The following IGSF22 variants were observed in gnomAD, a reference collection of about 807,000 sequenced individuals.
IGSF22 encodes the protein immunoglobulin superfamily member 22.
A neutral mutation model predicts 127.0 loss-of-function variants in IGSF22; 119 were observed. The observed-to-expected ratio is 0.94, with a 90% confidence interval of 0.81 to 1.09. The LOEUF (loss-of-function observed/expected upper bound fraction) is 1.09. IGSF22 is among the 50% of genes least tolerant of loss of function. IGSF22 has a pLI of 0.00. For synonymous variants in IGSF22, 568 were observed against 664.7 expected (o/e 0.85, Z 2.24); for missense variants, 1,518 against 1,716.6 (o/e 0.88, Z 2.04).
intron 22 of IGSF22, 67 bp downstream of exon 22, chr11:18,705,750 A>G: frequency 7.2e-7 from 1 of 1,381,350 alleles, no homozygotes; most frequent in East Asian, 2.5e-5. Flanking sequence ...TAGTTGACCA[A>G]TGGCCCACAA....
At chr11:18,704,757 T>C (rs114137280) in intron 22 of IGSF22, 174 of 527,808 alleles carry the variant, frequency 3.3e-4, no homozygotes, top group African/African-American at 3.1e-3. Context: ...TTAAGCCTCA[T>C]AGTCCTATAA....
At chr11:18,711,424 GTC>G (rs1848354335) in intron 15 of IGSF22, among the ~76,000 whole-genome samples, 1 of 152,156 alleles carries the variant, frequency 6.6e-6, no homozygotes, top group South Asian at 2.1e-4. Flanking sequence ...TTGAGACGAA[GTC>G]TCACTCTATT....
intron 14 of IGSF22, among the ~76,000 whole-genome samples, chr11:18,712,685 GAACACC>G: frequency 6.6e-6 from 1 of 152,176 alleles, no homozygotes; most frequent in Non-Finnish European, 1.5e-5. Flanking sequence ...TGAGCTTTGA[GAACACC>G]AGTACTTGCT....
chr11:18,714,250 C>A (rs1316070383), intron 13 of IGSF22, 27 bp downstream of exon 13: 1 of 1,602,340 alleles, frequency 6.2e-7, no homozygotes, highest in South Asian at 1.1e-5. Flanking sequence ...CATGGTTGAG[C>A]TTTGCCTACC....
chr11:18,725,885 C>T (rs533673902), intron 1 of IGSF22, among the ~76,000 whole-genome samples, 189 bp downstream of exon 1: 1 of 152,336 alleles, frequency 6.6e-6, no homozygotes, highest in African/African-American at 2.4e-5. Flanking sequence ...CCTTCTTTAA[C>T]CCAGGTAGTT....
At chr11:18,722,641 A>G (rs1848594607) in intron 2 of IGSF22, among the ~76,000 whole-genome samples, 1 of 152,030 alleles carries the variant, frequency 6.6e-6, no homozygotes, top group African/African-American at 2.4e-5. Flanking sequence ...CTGTTTTTGC[A>G]GTATAAAACT....
chr11:18,707,320 A>C lies in IGSF22; in HGVS notation c.3281-107T>G, dbSNP rs1331480806. 5.2e-5 allele frequency: 53 copies of C among 1,029,008 alleles called. No individual in the cohort carries two copies. The Admixed American group carries it at 7.2e-4, about 14-fold the overall frequency. The allele number at this position is 1,029,008 out of a possible 1,614,324, so 63.7% of individuals were successfully genotyped here. A position where few individuals can be genotyped will look rare whatever the true frequency, so the allele number is the denominator to read the frequency against. On this transcript the variant is annotated intron_variant, in intron 20 of 22. Transcript: ENST00000513874. ...TGGAAGATAAGATGGGGCAAGTCTCAGGCAGCTGGTGTCTTGGAGTCGGAA... is the reference window on the plus strand; with the variant it reads ...TGGAAGATAAGATGGGGCAAGTCTCCGGCAGCTGGTGTCTTGGAGTCGGAA...
chr11:18,717,539 G>A (rs1288766409), intron 9 of IGSF22, among the ~76,000 whole-genome samples: 1 of 152,076 alleles, frequency 6.6e-6, no homozygotes, highest in Non-Finnish European at 1.5e-5. Flanking sequence ...AGGACTACAG[G>A]TGTGTGCCAC....
intron 15 of IGSF22, among the ~76,000 whole-genome samples, chr11:18,711,421 G>A (rs185769706): frequency 2.6e-5 from 4 of 152,138 alleles, no homozygotes; most frequent in East Asian, 3.9e-4. Context: ...TTTTTGAGAC[G>A]AAGTCTCACT....
intron 15 of IGSF22, among the ~76,000 whole-genome samples, chr11:18,711,730 G>A (rs1055381670): frequency 2.0e-5 from 3 of 152,156 alleles, no homozygotes; most frequent in East Asian, 3.9e-4. Flanking sequence ...ATGTTGTCAA[G>A]GATTTTCTGT....
At position 18,709,457 on chromosome 11, in the gene IGSF22, C is replaced by G. The variant is rs72880717; in HGVS notation, c.2928G>C (p.Arg976=). 0.19 allele frequency: 305,886 copies of G among 1,613,920 alleles called. 30,674 individuals carry two copies. Among genetic ancestry groups the G allele is most frequent in the Middle Eastern group, 0.3 (1,788 of 6,060 alleles). Residue 976 remains arginine (R), a synonymous_variant, in exon 18 of 23, where the codon CGG becomes CGC. Transcript: ENST00000513874. This position sits in a 1 kb window ranked among gnomAD's most constrained non-coding sequence, Gnocchi z 4.8. ...IERQKYFFRI[R]AVNEAGVGEP... is the part of the protein sequence containing the mutation. ...CCCCAACCCCAGCCTCATTCACAGCCCGGATTCGGAAGAAGTATTTCTGCC... is the reference window on the plus strand; with the variant it reads ...CCCCAACCCCAGCCTCATTCACAGCGCGGATTCGGAAGAAGTATTTCTGCC...
Position 18,709,379 on chromosome 11 carries a change from G to A in IGSF22, c.2998+8C>T. ...GGCATGAATCCCCAGCCCTCTCTGTGTCCTCACCTGGTGGTGGCATGGCAC... is the reference window on the plus strand; with the variant it reads ...GGCATGAATCCCCAGCCCTCTCTGTATCCTCACCTGGTGGTGGCATGGCAC... On this transcript the variant is annotated splice_region_variant and intron_variant, in intron 18 of 22. Transcript: ENST00000513874. This position sits in a 1 kb window ranked among gnomAD's most constrained non-coding sequence, Gnocchi z 4.8. 6.2e-7 allele frequency: 1 copy of A among 1,612,580 alleles called. No homozygotes were observed. The highest frequency in any genetic ancestry group is 8.5e-7 in the Non-Finnish European group (1 of 1,179,300).
chr11:18,721,425 G>A (rs1049064848), intron 4 of IGSF22, 110 bp downstream of exon 4: 5 of 1,442,818 alleles, frequency 3.5e-6, no homozygotes, highest in African/African-American at 2.8e-5. Context: ...CCCACTGCCC[G>A]GCTCTCGGGC....
At chr11:18,723,096 C>T (rs1431771731) in intron 2 of IGSF22, among the ~76,000 whole-genome samples, 2 of 152,246 alleles carry the variant, frequency 1.3e-5, no homozygotes, top group African/African-American at 2.4e-5. Flanking sequence ...TATACAGTCT[C>T]TAGTTTACCC....
chr11:18,707,089 C>A lies in IGSF22; in HGVS notation c.3405G>T (p.Arg1135=). Reference sequence around the variant, plus strand: ...TGTACCAGGTGGCTGTGCTTGCATCCCGCTTCATGATGATGTAGTGAGCCT... The same window carrying A: ...TGTACCAGGTGGCTGTGCTTGCATCACGCTTCATGATGATGTAGTGAGCCT... ...DGEAHYIIMK[R]DASTATWYTA... The change falls in exon 21 of 23, where the codon CGG becomes CGT. Residue 1135 remains arginine (R), a synonymous_variant. Coordinates refer to ENST00000513874, the MANE Select transcript of IGSF22 (RefSeq NM_173588.4). The A allele has an allele frequency of 6.4e-7, 1 of 1,551,706 alleles. No individual in the cohort carries two copies. The highest frequency in any genetic ancestry group is 8.7e-7 in the Non-Finnish European group (1 of 1,146,992).
At chr11:18,718,144 T>G in intron 8 of IGSF22, 51 bp from the exon 9 acceptor site, 1 of 1,575,940 alleles carries the variant, frequency 6.3e-7, no homozygotes, top group Non-Finnish European at 8.7e-7. Flanking sequence ...AGGAGGAAGC[T>G]TCCAGAGGTC....
chr11:18,706,500 C>A (rs1041450712), intron 21 of IGSF22: 21 of 395,978 alleles, frequency 5.3e-5, no homozygotes, highest in Non-Finnish European at 8.7e-5. Flanking sequence ...ACCACAGTCT[C>A]CCCTCTTATC....
intron 2 of IGSF22, among the ~76,000 whole-genome samples, chr11:18,722,864 A>C (rs1320667440): frequency 6.6e-6 from 1 of 152,222 alleles, no homozygotes; most frequent in African/African-American, 2.4e-5. Context: ...CCTGCTTTTA[A>C]ATACTAACAA....
rs749562646 is a variant in IGSF22, at chr11:18,721,943, C to A, written c.208G>T (p.Val70Leu). The A allele has an allele frequency of 3.7e-6, 6 of 1,613,688 alleles. No individual in the cohort carries two copies. Among genetic ancestry groups the A allele is most frequent in the African/African-American group, 1.3e-5 (1 of 74,936 alleles). ...IPAGDSVPEF[V>L]EKPQPVTAPE... The stretch of plus-strand genomic sequence containing the variant: ...GCGGTGACCGGTTGAGGCTTCTCCA[C>A]GAACTCAGGGACGCTGTCGCCCGCA... Residue 70 changes from valine (V) to leucine (L), a missense_variant, in exon 3 of 23, where the codon GTG (valine) becomes TTG (leucine). By Grantham distance (32) the Val-to-Leu change is conservative (BLOSUM62 1). Transcript: ENST00000513874.
Sources: allele counts gnomAD v4.1 joint callset (sites outside exome capture counted in the v4.1 genomes callset), GRCh38; gene constraint gnomAD v4.1.1; non-coding constraint Gnocchi (gnomAD v3.1); transcripts MANE v1.5; gene names NCBI Gene and HGNC (gene_info 2026-07-23, HGNC 2026-07-21).